The following CTNNA2 variants were observed in gnomAD, a reference collection of about 807,000 sequenced individuals.
CTNNA2 encodes the protein catenin alpha 2.
Under a neutral mutation model 101.0 loss-of-function variants are expected in CTNNA2, and 42 were observed. The observed-to-expected ratio is 0.42, with a 90% CI of 0.32 to 0.54. CTNNA2 has a LOEUF of 0.54. Among genes scored for constraint, CTNNA2 ranks in the 20% least tolerant of loss-of-function variants. CTNNA2 has a pLI of 0.14. For missense variants in CTNNA2, 871 were observed against 1,223.1 expected, an observed-to-expected ratio of 0.71 and a Z score of 4.29; for synonymous variants, 450 against 456.4, an observed-to-expected ratio of 0.99 and a Z score of 0.18.
intron 7 of CTNNA2, among the ~76,000 whole-genome samples, chr2:79,919,453 T>C (rs1336388979): frequency 6.6e-6 from 1 of 152,206 alleles, no homozygotes; most frequent in African/African-American, 2.4e-5. Context: ...GTCAATAGGA[T>C]GAGGAAGAGC....
chr2:80,522,446 C>T (rs1689651355), intron 9 of CTNNA2, among the ~76,000 whole-genome samples: 1 of 152,184 alleles, frequency 6.6e-6, no homozygotes, highest in African/African-American at 2.4e-5. Context: ...AACATTTGAA[C>T]TGTGACCGTT....
At chr2:79,452,261 C>T (rs564865566) in intron 4 of CTNNA2, among the ~76,000 whole-genome samples, 22 of 152,102 alleles carry the variant, frequency 1.4e-4, no homozygotes, top group African/African-American at 4.6e-4. Context: ...AAGTGCCTAA[C>T]GTGTATCCAG....
chr2:80,371,646 A>G (rs1293779349), intron 7 of CTNNA2, among the ~76,000 whole-genome samples: 1 of 152,080 alleles, frequency 6.6e-6, no homozygotes, highest in Non-Finnish European at 1.5e-5. Flanking sequence ...GTAGATTCTA[A>G]CACAGTGGTC....
At chr2:79,516,322 AAGAC>A (rs1375415882) in intron 1 of CTNNA2, among the ~76,000 whole-genome samples, 1 of 152,202 alleles carries the variant, frequency 6.6e-6, no homozygotes, top group East Asian at 1.9e-4. Flanking sequence ...ATGTACTAGA[AAGAC>A]AGAAGCGCAA....
At chr2:79,766,748 T>A (rs1196333079) in intron 3 of CTNNA2, among the ~76,000 whole-genome samples, 2 of 149,140 alleles carry the variant, frequency 1.3e-5, no homozygotes, top group African/African-American at 2.5e-5. Context: ...TCTCTGACTG[T>A]GTATTTTCTT....
intron 7 of CTNNA2, among the ~76,000 whole-genome samples, chr2:80,316,747 T>A (rs1208054437): frequency 6.6e-6 from 1 of 152,194 alleles, no homozygotes; most frequent in Non-Finnish European, 1.5e-5. Flanking sequence ...TGCTTTGAGG[T>A]CCTGTTCTTG....
intron 3 of CTNNA2, among the ~76,000 whole-genome samples, chr2:79,791,297 C>T (rs1353282159): frequency 1.3e-5 from 2 of 152,108 alleles, no homozygotes; most frequent in Admixed American, 6.5e-5. Context: ...TCCTGAAGCC[C>T]TAAAGATGAA....
At chr2:80,267,635 T>C (rs1353770232) in intron 7 of CTNNA2, among the ~76,000 whole-genome samples, 1 of 152,152 alleles carries the variant, frequency 6.6e-6, no homozygotes, top group Non-Finnish European at 1.5e-5. Context: ...TCGCTCTAAA[T>C]GAGAACATAA....
In CTNNA2 at chr2:80,554,235, C is replaced by CTT. The variant is rs1692828525; in HGVS notation, c.1541-1457_1541-1456insTT. 3.3e-5 allele frequency among the ~76,000 whole-genome samples: 5 copies of CTT among 152,164 alleles called. No homozygotes were observed. The South Asian group carries it at 8.3e-4, about 25-fold the overall frequency. On this transcript the variant is annotated intron_variant, in intron 11 of 18. Transcript: ENST00000402739. ...TGGAGACTAGGATTTGCTGGATACTCTCTTTCTTTCTTTAGGAAATTTAAA... is the reference window on the plus strand; with the variant it reads ...TGGAGACTAGGATTTGCTGGATACTCTTTCTTTCTTTCTTTAGGAAATTTAAA...
At chr2:79,431,906 A>T (rs1453803172) in intron 4 of CTNNA2, among the ~76,000 whole-genome samples, 1 of 152,214 alleles carries the variant, frequency 6.6e-6, no homozygotes, top group Admixed American at 6.6e-5. Context: ...TGTGGAACAG[A>T]AAGCAAAAAT....
chr2:80,575,335 ACC>A (rs1694945696), intron 13 of CTNNA2: 1 of 152,190 alleles, frequency 6.6e-6, no homozygotes, highest in Non-Finnish European at 1.5e-5. Flanking sequence ...AATTTATTTA[ACC>A]AAATGTATCC....
chr2:80,579,061 T>G (rs892964277), intron 13 of CTNNA2: 1 of 145,424 alleles, frequency 6.9e-6, no homozygotes, highest in African/African-American at 2.5e-5. Context: ...CTCCGTTTTA[T>G]GAGCAGGGAG....
chr2:79,772,019 C>T (rs1479711254), intron 3 of CTNNA2, among the ~76,000 whole-genome samples: 1 of 150,742 alleles, frequency 6.6e-6, no homozygotes, highest in Non-Finnish European at 1.5e-5. Flanking sequence ...CCCTCCTCTC[C>T]TCTTCTTTTT....
chr2:80,322,027 A>G (rs891103677), intron 7 of CTNNA2, among the ~76,000 whole-genome samples: 1 of 152,200 alleles, frequency 6.6e-6, no homozygotes, highest in Non-Finnish European at 1.5e-5. Context: ...AGAACAAAAC[A>G]TCATTTTAAA....
At chr2:79,247,646 A>C (rs1381753035) in intron 2 of CTNNA2, among the ~76,000 whole-genome samples, 1 of 152,228 alleles carries the variant, frequency 6.6e-6, no homozygotes, top group Non-Finnish European at 1.5e-5. Context: ...AGTTATTATC[A>C]ATAGCAACAT....
At chr2:80,202,973 T>A (rs535596037) in intron 7 of CTNNA2, among the ~76,000 whole-genome samples, 1 of 152,238 alleles carries the variant, frequency 6.6e-6, no homozygotes, top group African/African-American at 2.4e-5. Context: ...GCAAGGCAGA[T>A]CTTACATGGA....
chr2:79,248,553 G>C (rs927752470), intron 2 of CTNNA2, among the ~76,000 whole-genome samples: 3 of 152,110 alleles, frequency 2.0e-5, no homozygotes, highest in Non-Finnish European at 4.4e-5. Flanking sequence ...ATATTGAGGA[G>C]TGCAGGCCTA....
intron 7 of CTNNA2, among the ~76,000 whole-genome samples, chr2:80,102,474 A>G (rs1390863776): frequency 6.6e-6 from 1 of 152,110 alleles, no homozygotes; most frequent in Non-Finnish European, 1.5e-5. Context: ...TTTCTCAGCA[A>G]TCCAACCTGC....
intron 1 of CTNNA2, among the ~76,000 whole-genome samples, chr2:79,629,569 A>G (rs1679548215): frequency 6.6e-6 from 1 of 152,154 alleles, no homozygotes; most frequent in South Asian, 2.1e-4. Context: ...GAGATGGAGC[A>G]AAGGAAAGGT....
Sources: gnomAD v4.1 joint callset for allele counts (sites outside exome capture counted in the v4.1 genomes callset) on GRCh38, gnomAD v4.1.1 for gene constraint, MANE v1.5 for transcripts, NCBI Gene and HGNC (gene_info 2026-07-23, HGNC 2026-07-21) for gene names.